The following TMEM135 variants were observed in gnomAD, a reference collection of about 807,000 sequenced individuals.
The protein encoded by TMEM135 is transmembrane protein 135.
In TMEM135, 30 loss-of-function variants were observed where a neutral mutation model predicts 60.3. The ratio of observed to expected loss-of-function variants is 0.50; its 90% CI spans 0.37 to 0.68. TMEM135 has a LOEUF of 0.68. TMEM135 is among the 30% of genes least tolerant of loss of function. The pLI is 0.00. For missense variants in TMEM135, 468 were observed against 548.8 expected (o/e 0.85, Z 1.47); for synonymous variants, 190 against 186.7 (o/e 1.02, Z -0.14).
At chr11:87,059,112 A>G (rs140682522) in intron 1 of TMEM135, among the ~76,000 whole-genome samples, 1 of 150,658 alleles carries the variant, frequency 6.6e-6, no homozygotes, top group Non-Finnish European at 1.5e-5. Flanking sequence ...TAATTTTTGT[A>G]TTTTTGTGGA....
chr11:87,081,299 A>G (rs1856988070), intron 3 of TMEM135, among the ~76,000 whole-genome samples: 1 of 149,002 alleles, frequency 6.7e-6, no homozygotes, highest in Non-Finnish European at 1.5e-5. Flanking sequence ...GTATTGTTTG[A>G]TTTTTTTTGT....
chr11:87,053,036 C>T, intron 1 of TMEM135, among the ~76,000 whole-genome samples: 1 of 127,684 alleles, frequency 7.8e-6, no homozygotes, highest in Admixed American at 8.3e-5. Flanking sequence ...AAATTGGAAA[C>T]CATCATTCTC....
Position 87,266,007 on chromosome 11 carries a change from A to G in TMEM135, c.509+29323A>G, listed in dbSNP as rs1406791216. 3.9e-5 allele frequency among the ~76,000 whole-genome samples: 6 copies of G among 152,244 alleles called. No individual in the cohort carries two copies. In the South Asian group the frequency reaches 8.3e-4, roughly 21 times the overall value. On this transcript the variant is annotated intron_variant, in intron 6 of 14. Transcript: ENST00000305494. Reference sequence around the variant, plus strand: ...TTCTTGAAATCCTTTCTGTTTTTGAACAAAGATTAAATGTTATTCATGACT... The same window carrying G: ...TTCTTGAAATCCTTTCTGTTTTTGAGCAAAGATTAAATGTTATTCATGACT...
intron 5 of TMEM135, among the ~76,000 whole-genome samples, chr11:87,214,423 G>C (rs1940452760): frequency 6.6e-6 from 1 of 152,180 alleles, no homozygotes; most frequent in Admixed American, 6.5e-5. Context: ...GGCAGGATTA[G>C]TTGTAGGCAT....
chr11:87,126,597 A>AATATAT (rs57158448), intron 4 of TMEM135, among the ~76,000 whole-genome samples: 539 of 150,334 alleles, frequency 3.6e-3, no homozygotes, highest in Non-Finnish European at 5.4e-3. Context: ...TGCTTTTTAA[A>AATATAT]ATATATATAT....
chr11:87,058,346 T>C (rs1175651183), intron 1 of TMEM135, among the ~76,000 whole-genome samples: 1 of 149,550 alleles, frequency 6.7e-6, no homozygotes, highest in Non-Finnish European at 1.5e-5. Context: ...TTATTATTAT[T>C]TTTTTGACAG....
At chr11:87,247,884 C>T (rs1311799593) in intron 6 of TMEM135, among the ~76,000 whole-genome samples, 1 of 152,054 alleles carries the variant, frequency 6.6e-6, no homozygotes, top group Non-Finnish European at 1.5e-5. Flanking sequence ...CACTCTCTGG[C>T]ACTCCCTAGT....
At chr11:87,201,003 A>G (rs1038658492) in intron 5 of TMEM135, among the ~76,000 whole-genome samples, 1 of 152,188 alleles carries the variant, frequency 6.6e-6, no homozygotes, top group African/African-American at 2.4e-5. Flanking sequence ...ATATTAATCC[A>G]TGGTATTCTT....
At chr11:87,223,295 G>A (rs537725066) in intron 5 of TMEM135, among the ~76,000 whole-genome samples, 1 of 151,700 alleles carries the variant, frequency 6.6e-6, no homozygotes, top group East Asian at 2.0e-4. Context: ...CTCCCGAGTA[G>A]CTGTGACTAC....
chr11:87,183,140 T>C lies in TMEM135; in HGVS notation c.462+25734T>C, dbSNP rs926800344. On this transcript the variant is annotated intron_variant, in intron 5 of 14. Transcript: ENST00000305494. The stretch of plus-strand genomic sequence containing the variant: ...ACATGAGTTGGTAATCACTAATTTT[T>C]TTTTTTTTTTTTTTTTTTTTGAGAC... Among the ~76,000 whole-genome samples, 648 of 122,656 alleles carry C rather than the reference T, an allele frequency of 5.3e-3. 1 individual carries two copies. The highest frequency in any genetic ancestry group is 0.023 in the African/African-American group (626 of 27,162). 80.5% of individuals were successfully genotyped at this position (122,656 alleles called of 152,430 possible).
rs1168030431 is a variant in TMEM135 at position 87,101,358 on chromosome 11, ATAAC to A, written c.396+9967_396+9970del. The stretch of plus-strand genomic sequence containing the variant: ...TTCCTTTATTATATCAGTTGTGACA[ATAAC>A]TAAGTTTTCCAATCTTTCAAAATTT... On this transcript the variant is annotated intron_variant, in intron 4 of 14. Transcript: ENST00000305494. Among the ~76,000 whole-genome samples the A allele has an allele frequency of 3.3e-5, 5 of 152,354 alleles. No individual in the cohort carries two copies. The South Asian group carries it at 1.0e-3, about 32-fold the overall frequency.
chr11:87,244,319 G>T (rs75631139), intron 6 of TMEM135, among the ~76,000 whole-genome samples: 74 of 60,446 alleles, frequency 1.2e-3, no homozygotes, highest in Non-Finnish European at 1.5e-3. Flanking sequence ...TCTCTTTTTT[G>T]GTTGTGTCTC....
intron 5 of TMEM135, among the ~76,000 whole-genome samples, chr11:87,205,215 A>T (rs1486084027): frequency 6.6e-6 from 1 of 152,220 alleles, no homozygotes. Flanking sequence ...ATGGCTCTAA[A>T]TAAGACATGG....
At chr11:87,181,134 C>G (rs1210540731) in intron 5 of TMEM135, among the ~76,000 whole-genome samples, 10 of 152,124 alleles carry the variant, frequency 6.6e-5, no homozygotes, top group African/African-American at 2.4e-4. Context: ...CCAACAGAAA[C>G]TTTTAGGATA....
At chr11:87,206,552 G>A (rs1458986530) in intron 5 of TMEM135, among the ~76,000 whole-genome samples, 1 of 152,012 alleles carries the variant, frequency 6.6e-6, no homozygotes, top group Admixed American at 6.6e-5. Flanking sequence ...AAATTTTTAT[G>A]AAGTATCCAT....
At chr11:87,204,552 A>G (rs142580905) in intron 5 of TMEM135, among the ~76,000 whole-genome samples, 242 of 152,300 alleles carry the variant, frequency 1.6e-3, no homozygotes, top group African/African-American at 5.7e-3. Context: ...TAAACAGTCA[A>G]TTAATGCATT....
chr11:87,248,641 T>C (rs2135388432), intron 6 of TMEM135, among the ~76,000 whole-genome samples: 1 of 152,022 alleles, frequency 6.6e-6, no homozygotes, highest in South Asian at 2.1e-4. Flanking sequence ...TTTTTTTCTA[T>C]TTCTATGAAG....
intron 4 of TMEM135, among the ~76,000 whole-genome samples, chr11:87,125,521 A>G (rs572483355): frequency 6.0e-4 from 91 of 152,318 alleles, no homozygotes; most frequent in Non-Finnish European, 7.3e-4. Flanking sequence ...AACAAGTTTG[A>G]TTCATTTGAT....
chr11:87,326,879 A>G lies in TMEM135; in HGVS notation c.*5546A>G, dbSNP rs1414942212. ...AAAGGGCAGGATAAATAAATCTATG[A>G]AACTAGAGGCATCATTGAATCATCT... On this transcript the variant is annotated 3_prime_UTR_variant, in exon 15 of 15. Transcript: ENST00000305494. 2 of 451,356 alleles carry G rather than the reference A, an allele frequency of 4.4e-6. No homozygotes were observed. The highest frequency in any genetic ancestry group is 4.7e-5 in the Admixed American group (2 of 42,184). 28.0% of individuals were successfully genotyped at this position (451,356 alleles called of 1,614,324 possible). A position where few individuals can be genotyped will look rare whatever the true frequency, so the allele number is the denominator to read the frequency against.
Sources: gnomAD v4.1 joint callset for allele counts (sites outside exome capture counted in the v4.1 genomes callset) on GRCh38, gnomAD v4.1.1 for gene constraint, MANE v1.5 for transcripts, NCBI Gene and HGNC (gene_info 2026-07-23, HGNC 2026-07-21) for gene names.